Variants in SPIRE1 observed in about 807,000 individuals in gnomAD.
SPIRE1 encodes spire type actin nucleation factor 1.
Under a neutral mutation model 94.1 loss-of-function variants are expected in SPIRE1, and 40 were observed. That is an observed-to-expected ratio of 0.43 (90% CI 0.33 to 0.55). SPIRE1 has a LOEUF of 0.55. Among genes scored for constraint, SPIRE1 ranks in the 20% least tolerant of loss-of-function variants. SPIRE1 has a pLI of 0.06. For synonymous variants in SPIRE1, 376 were observed against 371.7 expected, an observed-to-expected ratio of 1.01 and a Z score of -0.13; for missense variants, 838 against 975.2, an observed-to-expected ratio of 0.86 and a Z score of 1.87.
intron 12 of SPIRE1, chr18:12,460,075 C>A (rs770631909): frequency 6.7e-4 from 132 of 195,752 alleles, no homozygotes; most frequent in Admixed American, 1.4e-3. Flanking sequence ...ACAGTCCGTG[C>A]GAACATCTGC....
At position 12,479,857 on chromosome 18, in the gene SPIRE1, C is replaced by G. The variant is rs1568197274; in HGVS notation, c.1246G>C (p.Glu416Gln). 6.2e-7 allele frequency: 1 copy of G among 1,612,844 alleles called. No homozygotes were observed. The highest frequency in any genetic ancestry group is 1.7e-5 in the Admixed American group (1 of 59,672). Residue 416 changes from glutamate (E) to glutamine (Q), a missense_variant, in exon 10 of 17, where the codon GAA becomes CAA. This residue lies in a region of SPIRE1 where 645 missense variants were observed against 804.7 expected (regional missense o/e 0.80). Coordinates refer to ENST00000409402, the MANE Select transcript of SPIRE1 (RefSeq NM_001128626.2). ...SFDLSDVTTP[E>Q]STKNLVESSM... ...GACTCCACAAGATTCTTTGTAGATT[C>G]AGGGGTAGTCACATCTGGTAAAAAA...
intron 2 of SPIRE1, among the ~76,000 whole-genome samples, chr18:12,557,350 T>C (rs2035545761): frequency 6.6e-6 from 1 of 152,164 alleles, no homozygotes; most frequent in Non-Finnish European, 1.5e-5. Flanking sequence ...AGGCCGACAG[T>C]GCTGGGGAAC....
At chr18:12,624,305 G>A (rs1317964811) in intron 2 of SPIRE1, among the ~76,000 whole-genome samples, 1 of 151,732 alleles carries the variant, frequency 6.6e-6, no homozygotes, top group Non-Finnish European at 1.5e-5. Flanking sequence ...CACTTTGGGA[G>A]GCTGAGGCGG....
chr18:12,486,803 C>T (rs575186469), intron 8 of SPIRE1, among the ~76,000 whole-genome samples: 1 of 152,242 alleles, frequency 6.6e-6, no homozygotes, highest in African/African-American at 2.4e-5. Context: ...TTTAGTTACT[C>T]ATGATCCAAA....
At chr18:12,536,735 C>T (rs1440084699) in intron 3 of SPIRE1, among the ~76,000 whole-genome samples, 1 of 152,110 alleles carries the variant, frequency 6.6e-6, no homozygotes, top group African/African-American at 2.4e-5. Flanking sequence ...AAATCAAACA[C>T]CATTTAATTT....
chr18:12,535,661 TAAAAAC>T (rs2034818688), intron 3 of SPIRE1, 60 bp from the exon 4 acceptor site: 4 of 1,521,884 alleles, frequency 2.6e-6, no homozygotes, highest in Non-Finnish European at 3.6e-6. Flanking sequence ...TTTTTGTACT[TAAAAAC>T]AGACACGAGC....
intron 2 of SPIRE1, among the ~76,000 whole-genome samples, chr18:12,619,559 T>C (rs926349696): frequency 2.7e-5 from 4 of 150,092 alleles, no homozygotes; most frequent in African/African-American, 9.8e-5. Context: ...AATAAAAAAA[T>C]AAACACAGGC....
Position 12,657,958 on chromosome 18 carries a change from T to G in SPIRE1, c.-92A>C. The G allele has an allele frequency of 3.0e-6, 3 of 997,776 alleles. No individual in the cohort carries two copies. The highest frequency in any genetic ancestry group is 3.6e-6 in the Non-Finnish European group (3 of 840,802). The allele number at this position is 997,776 out of a possible 1,614,324, so 61.8% of individuals were successfully genotyped here. ...GTCGTCGCGCGCCGCCGCCTCACCA[T>G]CCCCGGAACCGCCGCCGCCCAACGC... On this transcript the variant is annotated 5_prime_UTR_variant, in exon 1 of 17. An upstream start codon of the reference 5' UTR is lost. Transcript: ENST00000409402.
At chr18:12,494,577 C>G (rs1040362594) in intron 7 of SPIRE1, among the ~76,000 whole-genome samples, 5 of 151,944 alleles carry the variant, frequency 3.3e-5, no homozygotes, top group Admixed American at 6.6e-5. Context: ...CGCCTGTAAT[C>G]CCAGCACTTT....
rs150439411 is a variant in SPIRE1, at chr18:12,610,432, C to T, written c.372+24630G>A. Among the ~76,000 whole-genome samples the T allele has an allele frequency of 1.9e-3, 294 of 152,274 alleles. 4 individuals carry two copies. The highest frequency in any genetic ancestry group is 0.018 in the East Asian group (93 of 5,174). On this transcript the variant is annotated intron_variant, in intron 2 of 16. Coordinates refer to ENST00000409402, the MANE Select transcript of SPIRE1 (RefSeq NM_001128626.2). ...ATCTTAAGTTATATTTACTTTCCCTCATTCCTCACCCCTATGCTCTAAACT... is the reference window on the plus strand; with the variant it reads ...ATCTTAAGTTATATTTACTTTCCCTTATTCCTCACCCCTATGCTCTAAACT...
chr18:12,506,087 A>T (rs2033822606), intron 6 of SPIRE1, among the ~76,000 whole-genome samples: 1 of 152,182 alleles, frequency 6.6e-6, no homozygotes, highest in African/African-American at 2.4e-5. Flanking sequence ...AATAATTTTT[A>T]AAATTTAATA....
chr18:12,516,419 T>TGA (rs1171105354), intron 4 of SPIRE1, among the ~76,000 whole-genome samples: 7 of 152,034 alleles, frequency 4.6e-5, no homozygotes, highest in African/African-American at 1.7e-4. Flanking sequence ...TGATAGAGTG[T>TGA]GAGAATAGGG....
At chr18:12,618,893 TTC>T (rs551802754) in intron 2 of SPIRE1, among the ~76,000 whole-genome samples, 4,617 of 128,474 alleles carry the variant, frequency 0.036, 229 homozygotes, top group African/African-American at 0.1. Context: ...AACAATTTTT[TTC>T]CCCCCCAAGA....
chr18:12,535,384 G>C (rs1217964611), intron 4 of SPIRE1, 92 bp downstream of exon 4: 4 of 1,330,636 alleles, frequency 3.0e-6, no homozygotes, highest in Non-Finnish European at 4.2e-6. Context: ...CAATACAGCG[G>C]ACAATATTGA....
At position 12,653,905 on chromosome 18, in the gene SPIRE1, C is replaced by T. The variant is rs542035709; in HGVS notation, c.337+3625G>A. Among the ~76,000 whole-genome samples the T allele has an allele frequency of 8.7e-5, 13 of 150,100 alleles. No homozygotes were observed. In the East Asian group the frequency reaches 2.0e-3, roughly 23 times the overall value. ...AAGTGGCAGTGAGCCAAGATTGCGC[C>T]ATTGCACTCCAGCCTGGGCAACAAG... On this transcript the variant is annotated intron_variant, in intron 1 of 16. Transcript: ENST00000409402.
At chr18:12,653,153 G>A (rs1421246032) in intron 1 of SPIRE1, 2 of 152,168 alleles carry the variant, frequency 1.3e-5, no homozygotes, top group Admixed American at 6.6e-5. Flanking sequence ...TGCAGGGGAG[G>A]GGCCTACTGG....
intron 10 of SPIRE1, among the ~76,000 whole-genome samples, chr18:12,476,815 G>A (rs972311161): frequency 6.6e-5 from 10 of 151,904 alleles, no homozygotes; most frequent in African/African-American, 2.2e-4. Context: ...AGAGGAATAC[G>A]CTTATTTCCA....
At chr18:12,597,786 G>A (rs938968923) in intron 2 of SPIRE1, among the ~76,000 whole-genome samples, 4 of 152,060 alleles carry the variant, frequency 2.6e-5, no homozygotes, top group Non-Finnish European at 4.4e-5. Context: ...ACTTTCCAGG[G>A]GCACAATTAA....
chr18:12,630,647 ACT>A (rs1461201602), intron 2 of SPIRE1, among the ~76,000 whole-genome samples: 5 of 152,244 alleles, frequency 3.3e-5, no homozygotes, highest in South Asian at 2.1e-4. Flanking sequence ...CAAGAGCAAG[ACT>A]CTGTCTCAAA....
Sources: gnomAD v4.1 joint callset for allele counts (sites outside exome capture counted in the v4.1 genomes callset) on GRCh38, gnomAD v4.1.1 for gene constraint, gnomAD v4.1.1 regional missense constraint, MANE v1.5 for transcripts, NCBI Gene and HGNC (gene_info 2026-07-23, HGNC 2026-07-21) for gene names.